PRELID2: variants seen among roughly 807,000 people sequenced by gnomAD.
The protein encoded by PRELID2 is PRELI domain-containing protein 2.
PRELID2 carries 25 observed loss-of-function variants against 28.4 expected under a neutral mutation model. The observed-to-expected ratio is 0.88, with a 90% CI of 0.64 to 1.23. The LOEUF (loss-of-function observed/expected upper bound fraction) is 1.23, where lower values mean the gene tolerates loss of function less well. Ranked by LOEUF, PRELID2 falls within the 50% of genes most tolerant of loss-of-function variation. The pLI, the probability that PRELID2 is intolerant of heterozygous loss-of-function variation, is 0.00. For missense variants in PRELID2, 201 were observed against 214.4 expected (o/e 0.94, Z 0.39); for synonymous variants, 76 against 71.6 (o/e 1.06, Z -0.31).
chr5:145,324,628 A>C, the PRELID2 span, among the ~76,000 whole-genome samples: 1 of 152,202 alleles, frequency 6.6e-6, no homozygotes, highest in Non-Finnish European at 1.5e-5. Context: ...AATAACATGA[A>C]GTGTTTTTAT....
At chr5:145,614,413 A>G (rs186027270) in intron 1 of PRELID2, among the ~76,000 whole-genome samples, 1 of 152,328 alleles carries the variant, frequency 6.6e-6, no homozygotes, top group East Asian at 1.9e-4. Context: ...CTTTGGCAGT[A>G]TGGTCATTGT....
the PRELID2 span, among the ~76,000 whole-genome samples, chr5:145,394,274 CCT>C: frequency 6.6e-6 from 1 of 152,038 alleles, no homozygotes; most frequent in Non-Finnish European, 1.5e-5. Context: ...GAGTTCATGT[CCT>C]TTGTAGGGAC....
chr5:145,696,323 A>C (rs1486504799), intron 1 of PRELID2, among the ~76,000 whole-genome samples: 3 of 152,064 alleles, frequency 2.0e-5, no homozygotes, highest in African/African-American at 7.2e-5. Context: ...CTAATGGTGA[A>C]AATTTCATAA....
chr5:145,753,833 A>G (rs930338546), downstream of PRELID2, among the ~76,000 whole-genome samples: 2 of 152,176 alleles, frequency 1.3e-5, no homozygotes, highest in Non-Finnish European at 2.9e-5. Flanking sequence ...TGAAGACAGC[A>G]TTTCAAAATT....
chr5:145,303,669 GA>G, the PRELID2 span, among the ~76,000 whole-genome samples: 1 of 152,156 alleles, frequency 6.6e-6, no homozygotes. Flanking sequence ...TTAATTAATA[GA>G]ATTCACTCTA....
chr5:145,623,876 A>G (rs1242609607), intron 1 of PRELID2, among the ~76,000 whole-genome samples: 1 of 152,166 alleles, frequency 6.6e-6, no homozygotes, highest in Non-Finnish European at 1.5e-5. Context: ...GTCTGCCAGG[A>G]GTTAGCATCA....
At chr5:145,275,914 C>T in the PRELID2 span, among the ~76,000 whole-genome samples, 18 of 152,140 alleles carry the variant, frequency 1.2e-4, no homozygotes, top group African/African-American at 4.1e-4. Context: ...CAGTATGCAC[C>T]TCATAAGTGG....
chr5:145,465,665 C>T, the PRELID2 span, among the ~76,000 whole-genome samples: 2 of 152,134 alleles, frequency 1.3e-5, no homozygotes, highest in African/African-American at 2.4e-5. Context: ...GTTGGAAGAA[C>T]TCTATGAGTT....
At chr5:145,321,089 C>T in the PRELID2 span, among the ~76,000 whole-genome samples, 1 of 152,152 alleles carries the variant, frequency 6.6e-6, no homozygotes, top group Non-Finnish European at 1.5e-5. Flanking sequence ...AAAAACAAGG[C>T]CTTTTGCTTC....
chr5:145,600,238 C>T (rs1281577596), intron 1 of PRELID2, among the ~76,000 whole-genome samples: 1 of 151,234 alleles, frequency 6.6e-6, no homozygotes, highest in Non-Finnish European at 1.5e-5. Context: ...GTTTCTGCTT[C>T]TTTGAGTATG....
chr5:145,317,426 T>C, the PRELID2 span, among the ~76,000 whole-genome samples: 6,844 of 152,260 alleles, frequency 0.045, 290 homozygotes, highest in African/African-American at 0.11. Flanking sequence ...CCCTATATTG[T>C]AGACCAGCTT....
chr5:145,307,221 T>G, the PRELID2 span, among the ~76,000 whole-genome samples: 3 of 152,142 alleles, frequency 2.0e-5, no homozygotes. Context: ...ATAGGTATAG[T>G]TGGGGCAGTC....
intron 1 of PRELID2, among the ~76,000 whole-genome samples, chr5:145,749,175 G>A (rs1381956838): frequency 1.3e-5 from 2 of 152,156 alleles, no homozygotes; most frequent in Admixed American, 6.5e-5. Flanking sequence ...TCATCAGAGT[G>A]AAGAGGCAAC....
chr5:145,483,035 T>A (rs1752176887), intron 1 of PRELID2, among the ~76,000 whole-genome samples: 1 of 152,098 alleles, frequency 6.6e-6, no homozygotes, highest in Non-Finnish European at 1.5e-5. Context: ...AGGACACCTG[T>A]CGAACAGTTT....
rs10070785 is a variant in PRELID2 at position 145,805,135 on chromosome 5, T to C, written c.369-8588A>G. 3.9e-3 allele frequency among the ~76,000 whole-genome samples: 588 copies of C among 152,350 alleles called. 5 individuals are homozygous for C. The highest frequency in any genetic ancestry group is 0.013 in the African/African-American group (559 of 41,576). On this transcript the variant is annotated intron_variant, in intron 4 of 6. Coordinates refer to ENST00000683046, the MANE Select transcript of PRELID2 (RefSeq NM_205846.3). ...AAGAAAAAAATTTAACTGGCATCTG[T>C]GTTTCCTAAGAGCAGAAAATGCAAT...
At chr5:145,705,587 T>C (rs370847805) in intron 1 of PRELID2, among the ~76,000 whole-genome samples, 37 of 152,058 alleles carry the variant, frequency 2.4e-4, no homozygotes, top group African/African-American at 8.7e-4. Flanking sequence ...AATAACCAAA[T>C]AGTTAGGCTA....
intron 1 of PRELID2, among the ~76,000 whole-genome samples, chr5:145,744,799 G>C (rs1421017274): frequency 6.6e-6 from 1 of 152,088 alleles, no homozygotes; most frequent in Non-Finnish European, 1.5e-5. Flanking sequence ...CAGAGTCCCT[G>C]TTCTCCTCCA....
intron 1 of PRELID2, among the ~76,000 whole-genome samples, chr5:145,668,327 A>G (rs146854252): frequency 6.6e-6 from 1 of 151,840 alleles, no homozygotes; most frequent in Admixed American, 6.6e-5. Context: ...TGCATAACCA[A>G]TCTAATTGAT....
intron 4 of PRELID2, among the ~76,000 whole-genome samples, chr5:145,815,430 A>G (rs75987863): frequency 0.012 from 1,803 of 152,364 alleles, 18 homozygotes; most frequent in Middle Eastern, 0.034. Flanking sequence ...CACTTACCAT[A>G]AAATTCACCC....
Sources: allele counts gnomAD v4.1 joint callset (sites outside exome capture counted in the v4.1 genomes callset), GRCh38; gene constraint gnomAD v4.1.1; transcripts MANE v1.5; gene names NCBI Gene and HGNC (gene_info 2026-07-23, HGNC 2026-07-21).